Variants in MAEA observed in about 807,000 individuals in gnomAD.
The protein encoded by MAEA is macrophage erythroblast attacher, E3 ubiquitin ligase.
In MAEA, 22 loss-of-function variants were observed where a neutral mutation model predicts 46.2. That is an observed-to-expected ratio of 0.48 (90% CI 0.34 to 0.68). The LOEUF (loss-of-function observed/expected upper bound fraction) is 0.68, where lower values mean the gene tolerates loss of function less well. Ranked by LOEUF, MAEA falls within the 30% of genes least tolerant of loss-of-function variation. The pLI, the probability that MAEA is intolerant of heterozygous loss-of-function variation, is 0.01. For missense variants in MAEA, 393 were observed against 558.1 expected (o/e 0.70, Z 2.98); for synonymous variants, 246 against 222.6 (o/e 1.11, Z -0.94).
In MAEA at chr4:1,311,741, A is replaced by G. The variant is rs1273984151; in HGVS notation, c.70-238A>G. Among the ~76,000 whole-genome samples the G allele has an allele frequency of 1.3e-5, 2 of 152,184 alleles. No homozygotes were observed. The highest frequency in any genetic ancestry group is 6.5e-5 in the Admixed American group (1 of 15,280). ...GGGATTATTTTGTCAACATACACGTACAATGTTTTTGGCAAAAATTGGGGT... is the reference window on the plus strand; with the variant it reads ...GGGATTATTTTGTCAACATACACGTGCAATGTTTTTGGCAAAAATTGGGGT... On this transcript the variant is annotated intron_variant, in intron 1 of 8. Coordinates refer to ENST00000303400, the MANE Select transcript of MAEA (RefSeq NM_001017405.3). This position sits in a 1 kb window ranked among gnomAD's most constrained non-coding sequence, Gnocchi z 4.4.
At chr4:1,301,847 A>C (rs1366354112) in intron 1 of MAEA, among the ~76,000 whole-genome samples, 5 of 152,266 alleles carry the variant, frequency 3.3e-5, no homozygotes. Flanking sequence ...GAATAGACCT[A>C]TAACAGGTGA....
chr4:1,289,936 C>T lies in MAEA; in HGVS notation c.23C>T (p.Ala8Val). 3 of 1,601,812 alleles carry T rather than the reference C, an allele frequency of 1.9e-6. No homozygotes were observed. Among genetic ancestry groups the T allele is most frequent in the Non-Finnish European group, 2.6e-6 (3 of 1,173,916 alleles). Residue 8 changes from alanine to valine, a missense_variant, in exon 1 of 9, where the codon GCT becomes GTT. Ala to Val is a moderately conservative substitution (Grantham distance 64, BLOSUM62 0). Coordinates refer to ENST00000303400, the MANE Select transcript of MAEA (RefSeq NM_001017405.3). MAVQESA[A>V]QLSMTLKVQE... ...AAGATGGCGGTGCAGGAGTCGGCGGCTCAGTTGTCCATGACCCTGAAGGTC... is the reference window on the plus strand; with the variant it reads ...AAGATGGCGGTGCAGGAGTCGGCGGTTCAGTTGTCCATGACCCTGAAGGTC...
At chr4:1,318,588 C>T (rs1737618883) in intron 3 of MAEA, among the ~76,000 whole-genome samples, 1 of 152,114 alleles carries the variant, frequency 6.6e-6, no homozygotes, top group Admixed American at 6.6e-5. Flanking sequence ...GGGAGGGGTT[C>T]TTTCTGCTGA....
At chr4:1,298,833 A>T (rs549381501) in intron 1 of MAEA, among the ~76,000 whole-genome samples, 149 of 152,248 alleles carry the variant, frequency 9.8e-4, no homozygotes, top group African/African-American at 3.5e-3. Context: ...GTAGCCTGTA[A>T]AACATACCCA....
chr4:1,292,869 GATGA>G (rs1231302121), intron 1 of MAEA, among the ~76,000 whole-genome samples: 5 of 147,578 alleles, frequency 3.4e-5, no homozygotes, highest in Admixed American at 3.4e-4. Flanking sequence ...GGAGGGGAAA[GATGA>G]ATAACTCACC....
intron 1 of MAEA, chr4:1,300,116 C>T (rs1280353369): frequency 1.3e-5 from 2 of 152,316 alleles, no homozygotes; most frequent in Admixed American, 6.6e-5. Flanking sequence ...TCTATATCAC[C>T]GCCAGCCAGT....
intron 5 of MAEA, chr4:1,329,784 A>G (rs2108989664): frequency 2.0e-6 from 2 of 985,400 alleles, no homozygotes; most frequent in Non-Finnish European, 2.4e-6. Context: ...GGTGTTGTGT[A>G]TCACTCACTG....
At chr4:1,325,112 C>T (rs932138207) in intron 4 of MAEA, among the ~76,000 whole-genome samples, 6 of 152,164 alleles carry the variant, frequency 3.9e-5, no homozygotes, top group Non-Finnish European at 8.8e-5. Flanking sequence ...CATGTGCACG[C>T]ACGCCAGGGG....
At chr4:1,293,423 T>C (rs1734310364) in intron 1 of MAEA, among the ~76,000 whole-genome samples, 2 of 152,188 alleles carry the variant, frequency 1.3e-5, no homozygotes, top group African/African-American at 4.8e-5. Context: ...ATTTGTTTTT[T>C]CTTCAAGTTA....
intron 3 of MAEA, 137 bp from the exon 4 acceptor site, chr4:1,322,244 A>T: frequency 8.2e-7 from 1 of 1,216,248 alleles, no homozygotes; most frequent in African/African-American, 1.5e-5. Flanking sequence ...ACGAGTGCAG[A>T]CCCACAGTGT....
chr4:1,338,549 T>G lies in MAEA; in HGVS notation c.1027T>G (p.Ser343Ala). 4 of 1,613,374 alleles carry G rather than the reference T, an allele frequency of 2.5e-6. No homozygotes were observed. Among genetic ancestry groups the G allele is most frequent in the Non-Finnish European group, 2.5e-6 (3 of 1,180,004 alleles). Residue 343 changes from serine (S) to alanine (A), a missense_variant, in exon 8 of 9, where the codon TCT becomes GCT. By Grantham distance (99) the Ser-to-Ala change is moderately conservative. Transcript: ENST00000303400. The stretch of plus-strand genomic sequence containing the variant: ...CAACTCCCGCCTGGTCTGCAAGATT[T>G]CTGGCGACGTGATGAACGAGAACAA... ...CANSRLVCKISGDVMNENNPP... is the reference protein window; with the variant it reads ...CANSRLVCKIAGDVMNENNPP...
intron 1 of MAEA, among the ~76,000 whole-genome samples, chr4:1,303,714 C>T (rs1735557402): frequency 6.6e-6 from 1 of 151,902 alleles, no homozygotes; most frequent in South Asian, 2.1e-4. Flanking sequence ...GTTTGTACAA[C>T]CTTGTGCTTA....
chr4:1,321,867 T>G (rs936776436), intron 3 of MAEA, among the ~76,000 whole-genome samples: 10 of 141,040 alleles, frequency 7.1e-5, no homozygotes, highest in African/African-American at 2.8e-4. Flanking sequence ...CTCTGTTTTT[T>G]TTGTTGTTTT....
At chr4:1,338,805 A>T (rs1713153058) in intron 8 of MAEA, 188 bp downstream of exon 8, 2 of 704,888 alleles carry the variant, frequency 2.8e-6, no homozygotes, top group Non-Finnish European at 4.6e-6. Context: ...TGGGGCGGGC[A>T]GGGCAGCGGG....
At chr4:1,296,733 A>G (rs1199859739) in intron 1 of MAEA, among the ~76,000 whole-genome samples, 1 of 149,060 alleles carries the variant, frequency 6.7e-6, no homozygotes, top group Non-Finnish European at 1.5e-5. Flanking sequence ...GCCCCCCAAC[A>G]CTCCACCCAG....
chr4:1,304,921 ATACTC>A (rs747600482), intron 1 of MAEA, among the ~76,000 whole-genome samples: 9 of 152,194 alleles, frequency 5.9e-5, no homozygotes, highest in Non-Finnish European at 1.2e-4. Flanking sequence ...GTCTCACGCT[ATACTC>A]TACTGAATGG....
chr4:1,292,079 G>T (rs1224928617), intron 1 of MAEA, among the ~76,000 whole-genome samples: 2 of 152,186 alleles, frequency 1.3e-5, no homozygotes, highest in Admixed American at 6.5e-5. Flanking sequence ...TTTCCAGGAG[G>T]GGCCAGTGCA....
At chr4:1,328,941 G>A (rs1739187865) in intron 5 of MAEA, 24 of 993,800 alleles carry the variant, frequency 2.4e-5, no homozygotes, top group African/African-American at 6.9e-5. Flanking sequence ...TGAGCATTGC[G>A]GGGACACGGC....
At chr4:1,324,963 G>A (rs900685306) in intron 4 of MAEA, among the ~76,000 whole-genome samples, 2 of 152,044 alleles carry the variant, frequency 1.3e-5, no homozygotes, top group African/African-American at 2.4e-5. Context: ...GGATGAAGTC[G>A]AGACTGGACG....
Sources: allele counts gnomAD v4.1 joint callset (sites outside exome capture counted in the v4.1 genomes callset), GRCh38; gene constraint gnomAD v4.1.1; non-coding constraint Gnocchi (gnomAD v3.1); transcripts MANE v1.5; gene names NCBI Gene and HGNC (gene_info 2026-07-23, HGNC 2026-07-21).